Variants in ATP8A2 observed in about 807,000 individuals in gnomAD.
ATP8A2 encodes phospholipid-transporting ATPase IB.
Under a neutral mutation model 165.6 loss-of-function variants are expected in ATP8A2, and 100 were observed. The ratio of observed to expected loss-of-function variants is 0.60; its 90% confidence interval spans 0.51 to 0.71. ATP8A2 has a LOEUF of 0.71. Ranked by LOEUF, ATP8A2 falls within the 30% of genes least tolerant of loss-of-function variation. The pLI, the probability that ATP8A2 is intolerant of heterozygous loss-of-function variation, is 0.00. For synonymous variants in ATP8A2, 543 were observed against 548.8 expected (o/e 0.99, Z 0.15); for missense variants, 1,227 against 1,479.5 (o/e 0.83, Z 2.80).
At chr13:25,720,078 C>T (rs1478344412) in intron 25 of ATP8A2, among the ~76,000 whole-genome samples, 1 of 151,750 alleles carries the variant, frequency 6.6e-6, no homozygotes, top group Admixed American at 6.6e-5. Context: ...TTATAAGCTC[C>T]GAATTCTTGT....
chr13:25,789,903 T>G (rs1203073790), intron 27 of ATP8A2, among the ~76,000 whole-genome samples: 1 of 152,124 alleles, frequency 6.6e-6, no homozygotes, highest in African/African-American at 2.4e-5. Context: ...GGGAACAGAA[T>G]AGAGAACCCA....
chr13:25,789,216 T>G (rs911575296), intron 27 of ATP8A2, among the ~76,000 whole-genome samples: 1 of 152,194 alleles, frequency 6.6e-6, no homozygotes, highest in African/African-American at 2.4e-5. Flanking sequence ...TAATAGCATA[T>G]GCAGTCACTA....
intron 6 of ATP8A2, among the ~76,000 whole-genome samples, chr13:25,537,671 A>G (rs995493005): frequency 5.3e-5 from 8 of 152,162 alleles, no homozygotes; most frequent in Admixed American, 5.2e-4. Flanking sequence ...CAGCTATGGA[A>G]ATGCTGAAGT....
intron 2 of ATP8A2, among the ~76,000 whole-genome samples, chr13:25,512,390 G>A (rs1292579478): frequency 6.6e-6 from 1 of 152,052 alleles, no homozygotes; most frequent in Non-Finnish European, 1.5e-5. Flanking sequence ...TCAATGAGCT[G>A]TTGGGTACAC....
At chr13:25,837,673 A>C (rs1951652568) in intron 29 of ATP8A2, among the ~76,000 whole-genome samples, 1 of 152,080 alleles carries the variant, frequency 6.6e-6, no homozygotes, top group South Asian at 2.1e-4. Context: ...CCCCATGTGG[A>C]GGCCTGTTGG....
chr13:25,389,219 G>C (rs1229962335), intron 1 of ATP8A2, among the ~76,000 whole-genome samples: 2 of 152,218 alleles, frequency 1.3e-5, no homozygotes, highest in African/African-American at 4.8e-5. Flanking sequence ...GATGTAAGGA[G>C]AATCAAATAG....
chr13:25,652,790 T>G (rs1194109273), intron 24 of ATP8A2, among the ~76,000 whole-genome samples: 1 of 152,224 alleles, frequency 6.6e-6, no homozygotes, highest in Non-Finnish European at 1.5e-5. Context: ...CTTTTGGCTC[T>G]GCTGAGATTC....
intron 33 of ATP8A2, among the ~76,000 whole-genome samples, chr13:25,941,736 C>A (rs1485370220): frequency 2.6e-5 from 4 of 152,150 alleles, no homozygotes; most frequent in Non-Finnish European, 5.9e-5. Flanking sequence ...GGCCTCACAC[C>A]AAGCACCAGG....
rs911815668 is a variant in ATP8A2, at chr13:25,677,671, C to T, written c.2212-21502C>T. ...GAAGGGTAAGGTGAATAGAGGACAA[C>T]GGGAGAGAGATAGGTGGCCTGTATT... On this transcript the variant is annotated intron_variant, in intron 24 of 36. Transcript: ENST00000381655. Among the ~76,000 whole-genome samples the T allele has an allele frequency of 7.2e-5, 11 of 152,056 alleles. No homozygotes were observed. In the East Asian group the frequency reaches 1.3e-3, roughly 19 times the overall value.
intron 24 of ATP8A2, among the ~76,000 whole-genome samples, chr13:25,615,466 C>A (rs562747297): frequency 6.6e-6 from 1 of 152,164 alleles, no homozygotes; most frequent in Non-Finnish European, 1.5e-5. Flanking sequence ...AGGCTACCAG[C>A]CTCTCGCTGA....
At chr13:25,396,359 AG>A (rs2033424734) in intron 1 of ATP8A2, among the ~76,000 whole-genome samples, 1 of 152,024 alleles carries the variant, frequency 6.6e-6, no homozygotes, top group African/African-American at 2.4e-5. Flanking sequence ...TGCTTTTTTT[AG>A]GTTTTATGGC....
rs1957062901 is a variant in ATP8A2 at position 26,020,238 on chromosome 13, C to G, written c.*253C>G. On this transcript the variant is annotated 3_prime_UTR_variant, in exon 37 of 37. Coordinates refer to ENST00000381655, the MANE Select transcript of ATP8A2 (RefSeq NM_016529.6). ...AACTTTTGTTTATGTCGTTATGAAGCATTCAACTGTGCTCTGTGAGGTGTG... is the reference window on the plus strand; with the variant it reads ...AACTTTTGTTTATGTCGTTATGAAGGATTCAACTGTGCTCTGTGAGGTGTG... 1 of 529,104 alleles carries G rather than the reference C, an allele frequency of 1.9e-6. No individual in the cohort carries two copies. Among genetic ancestry groups the G allele is most frequent in the Non-Finnish European group, 3.4e-6 (1 of 295,522 alleles). 32.8% of individuals were successfully genotyped at this position (529,104 alleles called of 1,614,324 possible).
At chr13:25,643,683 A>T (rs1489670114) in intron 24 of ATP8A2, among the ~76,000 whole-genome samples, 1 of 150,836 alleles carries the variant, frequency 6.6e-6, no homozygotes, top group African/African-American at 2.4e-5. Flanking sequence ...GTTTGAAGTT[A>T]GGTAGTGTGA....
intron 1 of ATP8A2, among the ~76,000 whole-genome samples, chr13:25,423,764 G>C (rs9511796): frequency 1.3e-5 from 2 of 151,960 alleles, no homozygotes; most frequent in African/African-American, 4.8e-5. Context: ...GTTTGGCATA[G>C]ATCTTTCCTT....
At chr13:25,611,743 A>G (rs1455743914) in intron 24 of ATP8A2, among the ~76,000 whole-genome samples, 2 of 152,138 alleles carry the variant, frequency 1.3e-5, no homozygotes, top group Admixed American at 6.5e-5. Flanking sequence ...AATAGAATTC[A>G]GCTGTGAATA....
Position 25,860,222 on chromosome 13 carries a change from C to A in ATP8A2, c.2984C>A (p.Thr995Asn). 11 of 1,612,082 alleles carry A rather than the reference C, an allele frequency of 6.8e-6. No individual in the cohort carries two copies. Among genetic ancestry groups the A allele is most frequent in the Non-Finnish European group, 9.3e-6 (11 of 1,178,538 alleles). The change falls in exon 31 of 37, where the codon ACC (threonine) becomes AAC (asparagine). Residue 995 changes from threonine (T) to asparagine (N), a missense_variant. By Grantham distance (65) the Thr-to-Asn change is moderately conservative. Coordinates refer to ENST00000381655, the MANE Select transcript of ATP8A2 (RefSeq NM_016529.6). ...HDTVLTSGHA[T>N]DYLFVGNIVY... ...ACTGTGTTGACAAGTGGTCATGCTA[C>A]CGACTATTTATTTGTTGGAAATATT...
intron 1 of ATP8A2, among the ~76,000 whole-genome samples, chr13:25,408,918 G>A (rs1360554405): frequency 6.6e-6 from 1 of 152,214 alleles, no homozygotes; most frequent in Admixed American, 6.5e-5. Context: ...CTGCAAACAT[G>A]CAAAGAATTA....
Position 25,538,038 on chromosome 13 carries a change from A to C in ATP8A2, c.558A>C (p.Ala186=), listed in dbSNP as rs2038344794. ...VKVVNGQYLP[A]DVVLLSSSEP... The stretch of plus-strand genomic sequence containing the variant: ...TCGTCAATGGGCAGTATCTTCCAGC[A>C]GATGTGGTCCTGCTGTCATCCAGGT... The change falls in exon 7 of 37, where the codon GCA becomes GCC. Residue 186 remains alanine (A), a synonymous_variant. Transcript: ENST00000381655. 1.2e-6 allele frequency: 2 copies of C among 1,613,818 alleles called. No individual in the cohort carries two copies. The highest frequency in any genetic ancestry group is 1.7e-5 in the Admixed American group (1 of 59,978).
intron 33 of ATP8A2, chr13:25,867,813 C>T (rs1952555049): frequency 5.6e-6 from 1 of 177,308 alleles, no homozygotes; most frequent in Admixed American, 6.1e-5. Context: ...TGCTGTGATG[C>T]TGGGAATGGG....
Sources: gnomAD v4.1 joint callset for allele counts (sites outside exome capture counted in the v4.1 genomes callset) on GRCh38, gnomAD v4.1.1 for gene constraint, MANE v1.5 for transcripts, NCBI Gene and HGNC (gene_info 2026-07-23, HGNC 2026-07-21) for gene names.